LUZP2: variants seen among roughly 807,000 people sequenced by gnomAD.
LUZP2 encodes the protein leucine zipper protein 2.
LUZP2 carries 52 observed loss-of-function variants against 51.6 expected under a neutral mutation model. That is an observed-to-expected ratio of 1.01 (90% CI 0.81 to 1.27). LUZP2 has a LOEUF of 1.27. LUZP2 is among the 50% of genes most tolerant of loss of function. LUZP2 has a pLI of 0.00. For synonymous variants in LUZP2, 154 were observed against 137.3 expected (o/e 1.12, Z -0.85); for missense variants, 436 against 395.4 (o/e 1.10, Z -0.87).
intron 5 of LUZP2, among the ~76,000 whole-genome samples, chr11:24,893,981 T>C (rs914676097): frequency 4.6e-5 from 7 of 152,152 alleles, no homozygotes; most frequent in Non-Finnish European, 8.8e-5. Context: ...TGTGTTTCAA[T>C]TGTTTATTTT....
At chr11:24,705,838 T>C (rs1378629497) in intron 1 of LUZP2, among the ~76,000 whole-genome samples, 3 of 151,450 alleles carry the variant, frequency 2.0e-5, no homozygotes, top group Non-Finnish European at 2.9e-5. Flanking sequence ...CACATTCCCA[T>C]ATTTCAAATA....
chr11:24,550,292 G>A (rs1851687762), intron 1 of LUZP2, among the ~76,000 whole-genome samples: 1 of 152,156 alleles, frequency 6.6e-6, no homozygotes, highest in African/African-American at 2.4e-5. Flanking sequence ...TAATTTTGAA[G>A]TTTAATTTTG....
At chr11:25,012,667 G>A (rs1046087785) in intron 9 of LUZP2, among the ~76,000 whole-genome samples, 1 of 152,080 alleles carries the variant, frequency 6.6e-6, no homozygotes, top group Non-Finnish European at 1.5e-5. Flanking sequence ...GAACTTCAGG[G>A]AGATATCATC....
At chr11:24,688,642 TA>T (rs1856970269) in intron 1 of LUZP2, among the ~76,000 whole-genome samples, 2 of 152,098 alleles carry the variant, frequency 1.3e-5, no homozygotes, top group African/African-American at 4.8e-5. Context: ...AACTGGAACC[TA>T]CCACTTGCTG....
chr11:24,646,329 G>C lies in LUZP2; in HGVS notation c.63-82840G>C, dbSNP rs376954916. On this transcript the variant is annotated intron_variant, in intron 1 of 11. Transcript: ENST00000336930. ...AGTTTTATTATTGTTCAAAATATAA[G>C]AGAGTTTTAAATTTAATATCAAAGA... 1.1e-4 allele frequency among the ~76,000 whole-genome samples: 16 copies of C among 151,398 alleles called. No individual in the cohort carries two copies. The South Asian group carries it at 1.9e-3, about 18-fold the overall frequency.
intron 5 of LUZP2, among the ~76,000 whole-genome samples, chr11:24,902,223 T>C (rs2133780753): frequency 6.6e-6 from 1 of 152,214 alleles, no homozygotes; most frequent in Admixed American, 6.5e-5. Flanking sequence ...GGTAAACTCA[T>C]GTCATAGAGG....
At chr11:25,011,237 T>G (rs1164468379) in intron 9 of LUZP2, among the ~76,000 whole-genome samples, 3 of 152,216 alleles carry the variant, frequency 2.0e-5, no homozygotes, top group Non-Finnish European at 4.4e-5. Flanking sequence ...AGAAAAGGAA[T>G]GGCTTCACAG....
At chr11:24,810,916 G>A (rs1850001481) in intron 5 of LUZP2, among the ~76,000 whole-genome samples, 1 of 152,112 alleles carries the variant, frequency 6.6e-6, no homozygotes, top group African/African-American at 2.4e-5. Context: ...TAGCAAGATT[G>A]TAGCTCCTAC....
At chr11:24,755,310 C>T (rs576062838) in intron 4 of LUZP2, among the ~76,000 whole-genome samples, 21 of 152,086 alleles carry the variant, frequency 1.4e-4, no homozygotes, top group Admixed American at 3.3e-4. Context: ...TTGTTTTTGC[C>T]CTTCTCCCAC....
chr11:24,747,190 G>C (rs557530440), intron 4 of LUZP2, among the ~76,000 whole-genome samples: 1 of 152,234 alleles, frequency 6.6e-6, no homozygotes, highest in East Asian at 1.9e-4. Flanking sequence ...TCATAGAAAA[G>C]GTCCAGGGCT....
At chr11:25,066,197 C>T (rs1565303423) in intron 10 of LUZP2, among the ~76,000 whole-genome samples, 1 of 151,660 alleles carries the variant, frequency 6.6e-6, no homozygotes. Flanking sequence ...CCAACTCTTC[C>T]TATTAGTTAT....
chr11:25,042,114 A>G (rs745809417), intron 9 of LUZP2, among the ~76,000 whole-genome samples: 1 of 152,170 alleles, frequency 6.6e-6, no homozygotes, highest in Non-Finnish European at 1.5e-5. Context: ...AACTTCATAT[A>G]TCAATTTGTT....
chr11:24,957,518 C>G (rs1026228740), intron 7 of LUZP2, among the ~76,000 whole-genome samples: 1 of 151,988 alleles, frequency 6.6e-6, no homozygotes, highest in Non-Finnish European at 1.5e-5. Context: ...CTCGATGCTT[C>G]CCAGCCTCTA....
intron 9 of LUZP2, among the ~76,000 whole-genome samples, chr11:25,006,845 A>G (rs1856846960): frequency 6.6e-6 from 1 of 152,154 alleles, no homozygotes; most frequent in African/African-American, 2.4e-5. Context: ...GAGCAGCAGC[A>G]AGATTTACTG....
chr11:24,649,039 A>G (rs1855547472), intron 1 of LUZP2, among the ~76,000 whole-genome samples: 1 of 152,058 alleles, frequency 6.6e-6, no homozygotes, highest in Non-Finnish European at 1.5e-5. Context: ...TTCCCTATGA[A>G]AAACAAACAT....
chr11:24,900,761 G>A (rs1378183695), intron 5 of LUZP2, among the ~76,000 whole-genome samples: 1 of 152,068 alleles, frequency 6.6e-6, no homozygotes, highest in Non-Finnish European at 1.5e-5. Flanking sequence ...TTCATTTTCT[G>A]TATGTCATTT....
At chr11:24,650,486 C>T (rs756534193) in intron 1 of LUZP2, among the ~76,000 whole-genome samples, 9 of 151,864 alleles carry the variant, frequency 5.9e-5, no homozygotes, top group Non-Finnish European at 1.5e-5. Context: ...TAAAAGATTC[C>T]GAAGAGCCAT....
intron 7 of LUZP2, among the ~76,000 whole-genome samples, chr11:24,959,415 T>A (rs1044634541): frequency 6.6e-6 from 1 of 152,186 alleles, no homozygotes; most frequent in African/African-American, 2.4e-5. Context: ...TTTGTTTGTA[T>A]CCTCTTTTAT....
At chr11:24,820,811 T>C (rs927377620) in intron 5 of LUZP2, among the ~76,000 whole-genome samples, 10 of 152,086 alleles carry the variant, frequency 6.6e-5, no homozygotes, top group African/African-American at 2.2e-4. Context: ...GTGGAAGGCA[T>C]AGTGTAAGAA....
Sources: allele counts gnomAD v4.1 joint callset (sites outside exome capture counted in the v4.1 genomes callset), GRCh38; gene constraint gnomAD v4.1.1; transcripts MANE v1.5; gene names NCBI Gene and HGNC (gene_info 2026-07-23, HGNC 2026-07-21).